Variants in PCDHA6 observed in about 807,000 individuals in gnomAD.
PCDHA6 encodes protocadherin alpha-6.
Under a neutral mutation model 60.3 loss-of-function variants are expected in PCDHA6, and 55 were observed. The observed-to-expected ratio is 0.91, with a 90% CI of 0.73 to 1.14. The LOEUF (loss-of-function observed/expected upper bound fraction) is 1.14, where lower values mean the gene tolerates loss of function less well. Ranked by LOEUF, PCDHA6 falls within the 50% of genes most tolerant of loss-of-function variation. The pLI, the probability that PCDHA6 is intolerant of heterozygous loss-of-function variation, is 0.00. For missense variants in PCDHA6, 1,327 were observed against 1,256.5 expected, an observed-to-expected ratio of 1.06 and a Z score of -0.85; for synonymous variants, 652 against 557.9, an observed-to-expected ratio of 1.17 and a Z score of -2.38.
At chr5:140,869,770 A>G in intron 1 of PCDHA6, 1 of 1,613,216 alleles carries the variant, frequency 6.2e-7, no homozygotes, top group South Asian at 1.1e-5. Flanking sequence ...ACCAGAGCTT[A>G]CTGGCACCGT....
At chr5:140,877,316 C>T in intron 1 of PCDHA6, 1 of 1,613,948 alleles carries the variant, frequency 6.2e-7, no homozygotes. Flanking sequence ...CAACCGGCGG[C>T]GGTCGGCGCG....
intron 1 of PCDHA6, chr5:140,927,924 T>C: frequency 1.2e-6 from 2 of 1,614,204 alleles, no homozygotes; most frequent in Non-Finnish European, 1.7e-6. Context: ...ACTTCCTGAC[T>C]CTTTCGAACC....
chr5:140,918,425 T>A (rs1402096329), intron 1 of PCDHA6, among the ~76,000 whole-genome samples: 1 of 152,200 alleles, frequency 6.6e-6, no homozygotes, highest in Non-Finnish European at 1.5e-5. Flanking sequence ...TCCAGTAGGA[T>A]GTTGAATAGG....
Position 140,847,952 on chromosome 5 carries a change from A to T in PCDHA6, c.2394+17467A>T, listed in dbSNP as rs185156520. The T allele has an allele frequency of 1.9e-3, 295 of 152,428 alleles. 32 individuals are homozygous for T. Among genetic ancestry groups the T allele is most frequent in the Non-Finnish European group, 3.3e-3 (228 of 68,582 alleles). 9.4% of individuals were successfully genotyped at this position (152,428 alleles called of 1,614,324 possible). A position where few individuals can be genotyped will look rare whatever the true frequency, so the allele number is the denominator to read the frequency against. On this transcript the variant is annotated intron_variant, in intron 1 of 3. Coordinates refer to ENST00000529310, the MANE Select transcript of PCDHA6 (RefSeq NM_018909.4). ...ATTGCAACTCCTGGATTTCTCTTAC[A>T]CTAGAATCCTATTTCGAGCCATATG...
chr5:140,908,050 G>A (rs1554193217), intron 1 of PCDHA6, among the ~76,000 whole-genome samples: 1 of 152,120 alleles, frequency 6.6e-6, no homozygotes, highest in African/African-American at 2.4e-5. Context: ...TGCACATCCG[G>A]CCATTTCTCC....
chr5:140,921,233 T>C lies in PCDHA6; in HGVS notation c.2395-57716T>C, dbSNP rs1431130539. 2.6e-5 allele frequency among the ~76,000 whole-genome samples: 4 copies of C among 152,162 alleles called. No individual in the cohort carries two copies. The East Asian group carries it at 5.8e-4, about 22-fold the overall frequency. ...TTCACGTCTTTTTTGCTAGATGATATTAAGCCACAGATCAAAAAGTCCTAG... is the reference window on the plus strand; with the variant it reads ...TTCACGTCTTTTTTGCTAGATGATACTAAGCCACAGATCAAAAAGTCCTAG... On this transcript the variant is annotated intron_variant, in intron 1 of 3. Coordinates refer to ENST00000529310, the MANE Select transcript of PCDHA6 (RefSeq NM_018909.4).
intron 1 of PCDHA6, chr5:140,857,810 C>T (rs1411794040): frequency 1.9e-6 from 3 of 1,597,674 alleles, no homozygotes; most frequent in Non-Finnish European, 2.6e-6. Context: ...GGTTGCGGGT[C>T]ACGTGGTGGC....
intron 3 of PCDHA6, among the ~76,000 whole-genome samples, chr5:141,008,307 G>A (rs1212029861): frequency 2.0e-5 from 3 of 152,176 alleles, no homozygotes; most frequent in Admixed American, 1.3e-4. Context: ...ACCCTAAACT[G>A]TAATTGAACA....
intron 1 of PCDHA6, chr5:140,967,093 G>T: frequency 6.2e-7 from 1 of 1,613,122 alleles, no homozygotes; most frequent in Non-Finnish European, 8.5e-7. Flanking sequence ...ATCGGGAGGC[G>T]CTGTGTGAGC....
chr5:140,925,498 A>G (rs1268906717), intron 1 of PCDHA6, among the ~76,000 whole-genome samples: 1 of 152,124 alleles, frequency 6.6e-6, no homozygotes, highest in East Asian at 1.9e-4. Flanking sequence ...CACTGTCCCA[A>G]TATCCACGCA....
At chr5:140,875,375 A>C in intron 1 of PCDHA6, 2 of 1,456,838 alleles carry the variant, frequency 1.4e-6, no homozygotes, top group East Asian at 5.0e-5. Flanking sequence ...AATTTACTAA[A>C]TATGTACTTA....
intron 3 of PCDHA6, among the ~76,000 whole-genome samples, chr5:141,005,570 C>T (rs2098221993): frequency 6.6e-6 from 1 of 151,052 alleles, no homozygotes; most frequent in African/African-American, 2.4e-5. Context: ...GGCATGGTGG[C>T]GCGTGCCTGT....
chr5:140,934,305 A>T, intron 1 of PCDHA6, among the ~76,000 whole-genome samples: 1 of 152,150 alleles, frequency 6.6e-6, no homozygotes, highest in African/African-American at 2.4e-5. Flanking sequence ...TATTTTTCTT[A>T]CTGCAAATGT....
chr5:140,869,502 C>T lies in PCDHA6; in HGVS notation c.2394+39017C>T, dbSNP rs2051182557. 3 of 1,614,090 alleles carry T rather than the reference C, an allele frequency of 1.9e-6. No homozygotes were observed. In the African/African-American group the frequency reaches 4.0e-5, roughly 22 times the overall value. On this transcript the variant is annotated intron_variant, in intron 1 of 3. Transcript: ENST00000529310. Reference sequence around the variant, plus strand: ...ACATTAACGACAACCCGCCGGTGTTCTCGCTCAGAGAACAAAAGCTGCTGA... The same window carrying T: ...ACATTAACGACAACCCGCCGGTGTTTTCGCTCAGAGAACAAAAGCTGCTGA...
At chr5:140,926,949 G>A in intron 1 of PCDHA6, 3 of 1,592,316 alleles carry the variant, frequency 1.9e-6, no homozygotes, top group Non-Finnish European at 2.6e-6. Context: ...GCGCTGCAGC[G>A]GGACAGCTCG....
In PCDHA6 at chr5:140,884,156, G is replaced by C. The variant is rs1554181298; in HGVS notation, c.2394+53671G>C. 1 of 1,613,448 alleles carries C rather than the reference G, an allele frequency of 6.2e-7. No homozygotes were observed. Among genetic ancestry groups the C allele is most frequent in the Admixed American group, 1.7e-5 (1 of 60,012 alleles). On this transcript the variant is annotated intron_variant, in intron 1 of 3. Transcript: ENST00000529310. ...GTTCCGCGTGGGGCTGTACACTGGC[G>C]AGATCAGCACGACGCGCCCTCTGGA...
intron 3 of PCDHA6, among the ~76,000 whole-genome samples, chr5:141,007,365 A>G (rs1027558453): frequency 6.7e-6 from 1 of 149,886 alleles, no homozygotes; most frequent in African/African-American, 2.5e-5. Context: ...AGCCTGGGCA[A>G]CATGATGGAA....
chr5:140,967,908 A>G (rs554849478), intron 1 of PCDHA6: 5 of 1,614,138 alleles, frequency 3.1e-6, no homozygotes, highest in East Asian at 2.2e-5. Flanking sequence ...GCTACACCCA[A>G]CACCATTGTG....
chr5:140,876,754 C>T, intron 1 of PCDHA6: 2 of 1,614,210 alleles, frequency 1.2e-6, no homozygotes, highest in Non-Finnish European at 1.7e-6. Context: ...GGTGACTGCG[C>T]GGGATGGGGG....
Sources: gnomAD v4.1 joint callset for allele counts (sites outside exome capture counted in the v4.1 genomes callset) on GRCh38, gnomAD v4.1.1 for gene constraint, MANE v1.5 for transcripts, NCBI Gene and HGNC (gene_info 2026-07-23, HGNC 2026-07-21) for gene names.